Variants in SBF1 observed in about 807,000 individuals in gnomAD.
SBF1 encodes SET binding factor 1.
Under a neutral mutation model 215.8 loss-of-function variants are expected in SBF1, and 65 were observed. That is an observed-to-expected ratio of 0.30 (90% CI 0.25 to 0.37). The LOEUF is 0.37. Ranked by LOEUF, SBF1 falls within the 10% of genes least tolerant of loss-of-function variation. SBF1 has a pLI of 1.00. For missense variants in SBF1, 2,634 were observed against 2,667.8 expected, an observed-to-expected ratio of 0.99 and a Z score of 0.28; for synonymous variants, 1,410 against 1,122.8, an observed-to-expected ratio of 1.26 and a Z score of -5.11.
intron 31 of SBF1, 52 bp from the exon 32 acceptor site, chr22:50,455,634 G>A: frequency 6.8e-7 from 1 of 1,468,982 alleles, no homozygotes; most frequent in South Asian, 1.2e-5. Flanking sequence ...CCTCCCGCCT[G>A]GCCACTCACC....
chr22:50,448,734 G>A (rs779198981), intron 36 of SBF1, 84 bp from the exon 37 acceptor site: 6 of 1,133,378 alleles, frequency 5.3e-6, no homozygotes, highest in Non-Finnish European at 7.8e-6. Context: ...ACACAGGAAA[G>A]AGACACAACG....
chr22:50,461,338 T>TC, intron 22 of SBF1, 52 bp from the exon 23 acceptor site: 1 of 1,330,604 alleles, frequency 7.5e-7, no homozygotes, highest in African/African-American at 2.1e-5. Flanking sequence ...GGGGGGGGGG[T>TC]CCCAGAATCT....
chr22:50,472,831 GTCCT>G (rs1159772884), intron 1 of SBF1, among the ~76,000 whole-genome samples: 1 of 152,122 alleles, frequency 6.6e-6, no homozygotes, highest in Non-Finnish European at 1.5e-5. Context: ...GAATGAACAA[GTCCT>G]TCTAAGGGGT....
chr22:50,461,634 C>A lies in SBF1; in HGVS notation c.2728G>T (p.Glu910Ter). The A allele has an allele frequency of 6.2e-7, 1 of 1,611,380 alleles. No individual in the cohort carries two copies. The highest frequency in any genetic ancestry group is 8.5e-7 in the Non-Finnish European group (1 of 1,179,788). Residue 910 changes from glutamate to a stop codon, truncating the protein, a stop_gained, in exon 22 of 41, where the codon GAG becomes TAG. Coordinates refer to ENST00000380817, the MANE Select transcript of SBF1 (RefSeq NM_002972.4). LOFTEE classifies it high-confidence loss of function. ...CCAGCACTGCCCCCCGCGCCCTCCT[C>A]ACGCCCATCCGGCAGCAGGTAGACG... ...LRVYLLPDGR[E>*]EGAGGSAGGP...
chr22:50,472,283 C>T (rs897646500), intron 1 of SBF1, among the ~76,000 whole-genome samples: 1 of 152,204 alleles, frequency 6.6e-6, no homozygotes, highest in Admixed American at 6.5e-5. Context: ...TGGGATGCTG[C>T]CTCAGGCAGG....
intron 7 of SBF1, 43 bp downstream of exon 7, chr22:50,466,307 A>G (rs766560092): frequency 1.9e-6 from 3 of 1,609,402 alleles, no homozygotes; most frequent in South Asian, 1.1e-5. Context: ...CGGCTGGGCA[A>G]AGGGGCCAGG....
At chr22:50,459,017 G>A (rs989412559) in intron 28 of SBF1, among the ~76,000 whole-genome samples, 3 of 152,186 alleles carry the variant, frequency 2.0e-5, no homozygotes, top group Non-Finnish European at 2.9e-5. Context: ...TGGAGAGCGG[G>A]CAGGACGTCA....
chr22:50,462,816 CAG>C lies in SBF1; in HGVS notation c.1968+52_1968+53del. ...GGAAGGGGGGCTGGGAAGGAGACCT[CAG>C]CCACCAGGAAGGGGGGGCTGGGAAG... is the stretch of plus-strand genomic sequence containing the variant. On this transcript the variant is annotated intron_variant, in intron 17 of 40. Transcript: ENST00000380817. 1.9e-6 allele frequency: 3 copies of C among 1,606,798 alleles called. No individual in the cohort carries two copies. In the South Asian group the frequency reaches 3.3e-5, roughly 18 times the overall value.
At chr22:50,451,384 A>G (rs975534856) in intron 36 of SBF1, among the ~76,000 whole-genome samples, 1 of 152,094 alleles carries the variant, frequency 6.6e-6, no homozygotes, top group Non-Finnish European at 1.5e-5. Context: ...GCTTCAGTAT[A>G]TTAAAAACAA....
Position 50,467,451 on chromosome 22 carries a change from G to A in SBF1, c.439-3C>T. The A allele has an allele frequency of 6.2e-7, 1 of 1,614,162 alleles. No individual in the cohort carries two copies. Among genetic ancestry groups the A allele is most frequent in the Non-Finnish European group, 8.5e-7 (1 of 1,180,002 alleles). On this transcript the variant is annotated splice_polypyrimidine_tract_variant and splice_region_variant and intron_variant, in intron 4 of 40. Transcript: ENST00000380817. ...GCATAGATGAGGCCAAGGCTGTTCT[G>A]CAATGACCAGAGCGGGGAGTGGTGG...
chr22:50,468,596 T>G, intron 1 of SBF1, 135 bp from the exon 2 acceptor site: 4 of 593,704 alleles, frequency 6.7e-6, no homozygotes, highest in South Asian at 2.0e-5. Flanking sequence ...TCCCTAAAAA[T>G]AGCTCCGTAT....
rs954777193 is a variant in SBF1, at chr22:50,462,553, G to T, written c.2127+6C>A. On this transcript the variant is annotated splice_donor_region_variant and intron_variant, in intron 18 of 40. Transcript: ENST00000380817. ...CCAGCCCCCAGCCCAGGGAGTCCCTGCGCACCTGGGCGGGGGCCAGGTCCT... is the reference window on the plus strand; with the variant it reads ...CCAGCCCCCAGCCCAGGGAGTCCCTTCGCACCTGGGCGGGGGCCAGGTCCT... 6.8e-6 allele frequency: 11 copies of T among 1,609,664 alleles called. No individual in the cohort carries two copies. Among genetic ancestry groups the T allele is most frequent in the Non-Finnish European group, 9.3e-6 (11 of 1,178,638 alleles).
Position 50,454,526 on chromosome 22 carries a change from A to G in SBF1, c.5029T>C (p.Ser1677Pro). The change falls in exon 36 of 41, where the codon TCA (serine) becomes CCA (proline). Residue 1677 changes from serine (S) to proline (P), a missense_variant. Transcript: ENST00000380817. ...ATCACACGCACCTCCAGCAGGCGTG[A>G]GATGGCGTCAGGCTGGGCCCGCGGG... ...SCPRAQPDAI[S>P]RLLEELQRLE... is the part of the protein sequence containing the mutation. 6.2e-7 allele frequency: 1 copy of G among 1,609,750 alleles called. No individual in the cohort carries two copies. Among genetic ancestry groups the G allele is most frequent in the Non-Finnish European group, 8.5e-7 (1 of 1,179,784 alleles).
Position 50,459,355 on chromosome 22 carries a change from C to T in SBF1, c.3726G>A (p.Glu1242=), listed in dbSNP as rs2067399956. The change falls in exon 28 of 41, where the codon GAG becomes GAA. Residue 1242 remains glutamate, a synonymous_variant. Coordinates refer to ENST00000380817, the MANE Select transcript of SBF1 (RefSeq NM_002972.4). The stretch of plus-strand genomic sequence containing the variant: ...AGCTGACCACAGCCTGCAGGTACTT[C>T]TCCTGCTCCAGGCTACTCGAGTCCG... The part of the protein sequence containing the change: ...SQADSSSLEQ[E]KYLQAVVSSM... 1.2e-6 allele frequency: 2 copies of T among 1,612,732 alleles called. No individual in the cohort carries two copies. Among genetic ancestry groups the T allele is most frequent in the Admixed American group, 1.7e-5 (1 of 59,980 alleles).
rs2067582809 is a variant in SBF1, at chr22:50,462,917, G to A, written c.1921C>T (p.His641Tyr). Reference sequence around the variant, plus strand: ...GGCAGCAGAGCCGCCGCAATGCCATGCTCGTCCAGAGAAGTGCAGTCCTGC... The same window carrying A: ...GGCAGCAGAGCCGCCGCAATGCCATACTCGTCCAGAGAAGTGCAGTCCTGC... ...CLQDCTSLDEHGIAAALLPLV... is the reference protein window; with the variant it reads ...CLQDCTSLDEYGIAAALLPLV... The change falls in exon 17 of 41, where the codon CAT becomes TAT. Residue 641 changes from histidine (H) to tyrosine (Y), a missense_variant. Physicochemically the swap from His to Tyr is moderately conservative, Grantham distance 83. Coordinates refer to ENST00000380817, the MANE Select transcript of SBF1 (RefSeq NM_002972.4). 4 of 1,613,250 alleles carry A rather than the reference G, an allele frequency of 2.5e-6. No individual in the cohort carries two copies. The highest frequency in any genetic ancestry group is 3.4e-6 in the Non-Finnish European group (4 of 1,179,910).
intron 19 of SBF1, 41 bp downstream of exon 19, chr22:50,462,164 G>A (rs373919450): frequency 1.2e-6 from 2 of 1,607,558 alleles, no homozygotes; most frequent in South Asian, 1.1e-5. Flanking sequence ...GCCCACCACG[G>A]CCCCGCCTCC....
At chr22:50,469,392 C>T (rs1233428970) in intron 1 of SBF1, among the ~76,000 whole-genome samples, 4 of 152,228 alleles carry the variant, frequency 2.6e-5, no homozygotes, top group Non-Finnish European at 4.4e-5. Context: ...AGAACTACCA[C>T]ATCCAGGGCC....
At chr22:50,468,878 TGGACCC>T (rs1336489881) in intron 1 of SBF1, among the ~76,000 whole-genome samples, 1 of 151,896 alleles carries the variant, frequency 6.6e-6, no homozygotes, top group Non-Finnish European at 1.5e-5. Context: ...CCACCAGCCC[TGGACCC>T]AGCCGGGGGT....
intron 1 of SBF1, among the ~76,000 whole-genome samples, chr22:50,473,623 T>C (rs1420970062): frequency 6.6e-6 from 1 of 151,696 alleles, no homozygotes; most frequent in Non-Finnish European, 1.5e-5. Flanking sequence ...TCAGGAAGTG[T>C]AGGGGGGTGT....
Sources: allele counts gnomAD v4.1 joint callset (sites outside exome capture counted in the v4.1 genomes callset), GRCh38; gene constraint gnomAD v4.1.1; transcripts MANE v1.5; gene names NCBI Gene and HGNC (gene_info 2026-07-23, HGNC 2026-07-21).